The following CPSF1 variants were observed in gnomAD, a reference collection of about 807,000 sequenced individuals.
CPSF1 encodes the protein cleavage and polyadenylation specificity factor subunit 1.
Under a neutral mutation model 175.8 loss-of-function variants are expected in CPSF1, and 106 were observed. The observed-to-expected ratio is 0.60, with a 90% CI of 0.52 to 0.71. The LOEUF (loss-of-function observed/expected upper bound fraction) is 0.71. Ranked by LOEUF, CPSF1 falls within the 30% of genes least tolerant of loss-of-function variation. CPSF1 has a pLI of 0.00. For missense variants in CPSF1, 1,734 were observed against 2,022.9 expected (o/e 0.86, Z 2.74); for synonymous variants, 1,024 against 858.3 (o/e 1.19, Z -3.37).
chr8:144,395,266 T>C lies in CPSF1; in HGVS notation c.3186A>G (p.Arg1062=), dbSNP rs1396010004. The part of the protein sequence containing the change: ...GEEKEFETIE[R]DERYIHPQQE... Reference sequence around the variant, plus strand: ...GGAGTATGGTGTGGGCGTCACCACCTCTCTCGATGGTCTCAAACTCCTTCT... The same window carrying C: ...GGAGTATGGTGTGGGCGTCACCACCCCTCTCGATGGTCTCAAACTCCTTCT... The change falls in exon 28 of 38, where the codon AGA becomes AGG. Residue 1062 remains arginine, a splice_region_variant and synonymous_variant. Transcript: ENST00000616140. The C allele has an allele frequency of 2.5e-6, 4 of 1,612,740 alleles. No homozygotes were observed. Among genetic ancestry groups the C allele is most frequent in the African/African-American group, 1.3e-5 (1 of 74,856 alleles).
Position 144,393,953 on chromosome 8 carries a change from C to A in CPSF1, c.3945G>T (p.Pro1315=), listed in dbSNP as rs147063268. The change falls in exon 35 of 38, where the codon CCG becomes CCT. Residue 1315 remains proline, a synonymous_variant. Coordinates refer to ENST00000616140, the MANE Select transcript of CPSF1 (RefSeq NM_013291.3). The stretch of plus-strand genomic sequence containing the variant: ...TGAGCCCTTCAGTGGCCCCCCGGCA[C>A]GGGGTCCTCCAGAACGTGTTCACGT... ...GAHVNTFWRT[P]CRGATEGLSK... is the part of the protein sequence containing the mutation. The A allele has an allele frequency of 8.0e-5, 129 of 1,613,674 alleles. No homozygotes were observed. The African/African-American group carries it at 1.6e-3, about 20-fold the overall frequency.
At chr8:144,401,391 C>A (rs781972458) in intron 4 of CPSF1, 39 bp downstream of exon 4, 1 of 1,612,732 alleles carries the variant, frequency 6.2e-7, no homozygotes, top group African/African-American at 1.3e-5. Flanking sequence ...CCCACTCCCA[C>A]GCCTTGGCCA....
In CPSF1 at chr8:144,406,513, T is replaced by C. The variant is rs1057263410; in HGVS notation, c.144+2502A>G. Among the ~76,000 whole-genome samples the C allele has an allele frequency of 3.9e-5, 6 of 152,244 alleles. 1 individual carries two copies. The highest frequency in any genetic ancestry group is 7.3e-5 in the Non-Finnish European group (5 of 68,046). ...CTCTCATCTCCCCAATCTCTCAATG[T>C]TGGGGTGCCCCAAGACCCTGTCTTT... On this transcript the variant is annotated intron_variant, in intron 2 of 37. Coordinates refer to ENST00000616140, the MANE Select transcript of CPSF1 (RefSeq NM_013291.3).
chr8:144,400,330 C>A, intron 8 of CPSF1, 24 bp downstream of exon 8: 7 of 1,613,710 alleles, frequency 4.3e-6, no homozygotes, highest in Non-Finnish European at 5.9e-6. Context: ...CACACACTCC[C>A]CTATCCACTC....
Position 144,393,756 on chromosome 8 carries a change from C to A in CPSF1, c.4056G>T (p.Gln1352His). Reference protein sequence around the residue: ...DGGIGLLLPMQEKTYRRLLML... With the variant: ...DGGIGLLLPMHEKTYRRLLML... Reference sequence around the variant, plus strand: ...TCAGCAGCCGCCGGTAGGTCTTCTCCTGCATGGGCAGCAGCAGCCCGATGC... The same window carrying A: ...TCAGCAGCCGCCGGTAGGTCTTCTCATGCATGGGCAGCAGCAGCCCGATGC... The change falls in exon 36 of 38, where the codon CAG becomes CAT. Residue 1352 changes from glutamine to histidine, a missense_variant. Gln to His is a conservative substitution (Grantham distance 24). Around this residue, in one of 10 missense-constraint regions of CPSF1, gnomAD observed 323 missense variants for 338.5 expected, o/e 0.95. Transcript: ENST00000616140. The A allele has an allele frequency of 6.3e-7, 1 of 1,589,920 alleles. No homozygotes were observed. The highest frequency in any genetic ancestry group is 8.5e-7 in the Non-Finnish European group (1 of 1,174,288).
rs1351325715 is a variant in CPSF1 at position 144,401,678 on chromosome 8, A to C, written c.145-5T>G. The C allele has an allele frequency of 1.9e-6, 3 of 1,606,040 alleles. No homozygotes were observed. The highest frequency in any genetic ancestry group is 1.7e-5 in the Admixed American group (1 of 58,830). ...CCTGTCATTCTTGGTCAGAGCCTGG[A>C]GGGGAGAGAAAGACAGGGCAGTGAG... On this transcript the variant is annotated splice_polypyrimidine_tract_variant and splice_region_variant and intron_variant, in intron 2 of 37. Coordinates refer to ENST00000616140, the MANE Select transcript of CPSF1 (RefSeq NM_013291.3).
chr8:144,409,184 C>G lies in CPSF1; in HGVS notation c.-14-12G>C, dbSNP rs2116913638. On this transcript the variant is annotated splice_polypyrimidine_tract_variant and intron_variant, in intron 1 of 37. Transcript: ENST00000616140. ...GGCGCCAACCCGGGCTGCGCAAGGC[C>G]GGGAGAGGAAGGGTGAGCGGGGTCG... The G allele has an allele frequency of 1.7e-5, 27 of 1,589,642 alleles. No homozygotes were observed. The highest frequency in any genetic ancestry group is 2.3e-5 in the Non-Finnish European group (27 of 1,168,644).
intron 9 of CPSF1, 31 bp downstream of exon 9, chr8:144,400,135 G>GGGGGGGGCCCCCCCCCCCCCCCCCCCC: frequency 3.3e-6 from 3 of 896,002 alleles, no homozygotes; most frequent in Non-Finnish European, 1.6e-6. Context: ...CCGTCCCCGG[G>GGGGGGGGCCCCCCCCCCCCCCCCCCCC]CCCCCCCCGC....
chr8:144,400,135 G>GGGGGGGGGCCGCCC, intron 9 of CPSF1, 31 bp downstream of exon 9: 1 of 896,012 alleles, frequency 1.1e-6, no homozygotes, highest in Non-Finnish European at 1.6e-6. Context: ...CCGTCCCCGG[G>GGGGGGGGGCCGCCC]CCCCCCCCGC....
intron 29 of CPSF1, 24 bp from the exon 30 acceptor site, chr8:144,395,047 A>T (rs782095722): frequency 9.4e-6 from 15 of 1,604,112 alleles, no homozygotes; most frequent in Non-Finnish European, 1.3e-5. Context: ...GGGCCTCAGG[A>T]TGCTGCCTGG....
At position 144,397,587 on chromosome 8, in the gene CPSF1, GCCT is replaced by G. The variant is rs1554864460; in HGVS notation, c.2282_2284del (p.Glu761del). The G allele has an allele frequency of 2.6e-6, 4 of 1,540,944 alleles. No homozygotes were observed. The highest frequency in any genetic ancestry group is 1.9e-5 in the Admixed American group (1 of 52,890). On this transcript the variant is annotated inframe_deletion, in exon 22 of 38. Coordinates refer to ENST00000616140, the MANE Select transcript of CPSF1 (RefSeq NM_013291.3). Reference sequence around the variant, plus strand: ...AGCAGGGGGCTGGCTGCTTCTTCGGGCCTCCTCCTTGCTGGGGCTGAAGAGGGA... The same window carrying G: ...AGCAGGGGGCTGGCTGCTTCTTCGGGCCTCCTTGCTGGGGCTGAAGAGGGA...
Position 144,395,331 on chromosome 8 carries a change from T to C in CPSF1, c.3121A>G (p.Asn1041Asp). The C allele has an allele frequency of 1.2e-6, 2 of 1,612,776 alleles. No homozygotes were observed. Among genetic ancestry groups the C allele is most frequent in the Non-Finnish European group, 1.7e-6 (2 of 1,179,864 alleles). Residue 1041 changes from asparagine to aspartate, a missense_variant, in exon 28 of 38, where the codon AAC becomes GAC. Around this residue, in one of 10 missense-constraint regions of CPSF1, gnomAD observed 585 missense variants for 584.7 expected, o/e 1.00. Transcript: ENST00000616140. ...SKVYAVATST[N>D]TPCARIPRMT... ...CGTGGGATGCGGGCACACGGCGTGT[T>C]GGTGCTGGTGGCCACAGCATACACC... is the stretch of plus-strand genomic sequence containing the variant.
chr8:144,397,699 C>G (rs782219197), intron 21 of CPSF1, 38 bp from the exon 22 acceptor site: 1 of 1,571,248 alleles, frequency 6.4e-7, no homozygotes, highest in South Asian at 1.1e-5. Context: ...GCCTGCCAGC[C>G]CCAGGGACCC....
At chr8:144,398,484 A>T (rs2116850410) in intron 18 of CPSF1, 41 bp from the exon 19 acceptor site, 1 of 1,510,074 alleles carries the variant, frequency 6.6e-7, no homozygotes, top group Admixed American at 2.0e-5. Context: ...CCCGCAGGGG[A>T]CCCCAGCCCC....
Position 144,398,534 on chromosome 8 carries a change from G to A in CPSF1, c.1743C>T (p.Asp581=), listed in dbSNP as rs2116851959. The change falls in exon 18 of 38, where the codon GAC becomes GAT. Residue 581 remains aspartate (D), a synonymous_variant. Transcript: ENST00000616140. ...RHGFLILSRE[D]STMILQTGQE... is the part of the protein sequence containing the mutation. ...AGGCCCTGCCCCTCACCATGGTGGAGTCTTCCCGGCTCAGAATCAGGAATC... is the reference window on the plus strand; with the variant it reads ...AGGCCCTGCCCCTCACCATGGTGGAATCTTCCCGGCTCAGAATCAGGAATC... The A allele has an allele frequency of 1.1e-5, 17 of 1,613,650 alleles. No homozygotes were observed. The highest frequency in any genetic ancestry group is 6.7e-5 in the African/African-American group (5 of 74,902).
chr8:144,405,428 G>A (rs1011036089), intron 2 of CPSF1, among the ~76,000 whole-genome samples: 4 of 152,194 alleles, frequency 2.6e-5, no homozygotes, highest in Non-Finnish European at 5.9e-5. Context: ...TTCGAGACCA[G>A]CCTGGCCAAC....
intron 17 of CPSF1, 69 bp from the exon 18 acceptor site, chr8:144,398,707 G>A: frequency 6.3e-7 from 1 of 1,598,848 alleles, no homozygotes; most frequent in South Asian, 1.1e-5. Context: ...GGTGCGACCT[G>A]GGCACCCCCG....
chr8:144,400,598 C>T (rs933019123), intron 7 of CPSF1, 73 bp downstream of exon 7: 2 of 1,595,914 alleles, frequency 1.3e-6, no homozygotes, highest in Non-Finnish European at 1.7e-6. Flanking sequence ...CCGCCCTAAA[C>T]CCCATGGGCC....
Position 144,397,492 on chromosome 8 carries a change from T to C in CPSF1, c.2380A>G (p.Met794Val). The C allele has an allele frequency of 6.3e-7, 1 of 1,597,180 alleles. No individual in the cohort carries two copies. The highest frequency in any genetic ancestry group is 8.6e-7 in the Non-Finnish European group (1 of 1,168,096). ...WCLLVRENGT[M>V]EIYQLPDWRL... is the part of the protein sequence containing the mutation. ...CAGTGCAGGGCACCACCTACCTCCA[T>C]GGTGCCATTCTCCCGCACCAGCAGG... is the stretch of plus-strand genomic sequence containing the variant. Residue 794 changes from methionine (M) to valine (V), a missense_variant, in exon 22 of 38, where the codon ATG (methionine) becomes GTG (valine). This residue lies in a region of CPSF1 where 585 missense variants were observed against 584.7 expected (regional missense o/e 1.00). Transcript: ENST00000616140.
Sources: gnomAD v4.1 joint callset for allele counts (sites outside exome capture counted in the v4.1 genomes callset) on GRCh38, gnomAD v4.1.1 for gene constraint, gnomAD v4.1.1 regional missense constraint, MANE v1.5 for transcripts, NCBI Gene and HGNC (gene_info 2026-07-23, HGNC 2026-07-21) for gene names.